The following WIPI2 variants were observed in gnomAD, a reference collection of about 807,000 sequenced individuals.
The protein encoded by WIPI2 is WD repeat domain, phosphoinositide interacting 2, also known as WD repeat domain phosphoinositide-interacting protein 2.
WIPI2 carries 28 observed loss-of-function variants against 52.3 expected under a neutral mutation model. That is an observed-to-expected ratio of 0.54 (90% CI 0.40 to 0.73). The LOEUF is 0.73. Among genes scored for constraint, WIPI2 ranks in the 30% least tolerant of loss-of-function variants. The pLI, the probability that WIPI2 is intolerant of heterozygous loss-of-function variation, is 0.00. For missense variants in WIPI2, 506 were observed against 602.9 expected (o/e 0.84, Z 1.68); for synonymous variants, 268 against 245.0 (o/e 1.09, Z -0.88).
chr7:5,224,196 C>T (rs1191213752), intron 8 of WIPI2, among the ~76,000 whole-genome samples: 3 of 152,212 alleles, frequency 2.0e-5, no homozygotes, highest in African/African-American at 2.4e-5. Context: ...TCAGAAGAGC[C>T]GATCTCTTTT....
chr7:5,199,617 C>A lies in WIPI2; in HGVS notation c.170C>A (p.Ser57Tyr). 6.2e-7 allele frequency: 1 copy of A among 1,613,254 alleles called. No individual in the cohort carries two copies. The highest frequency in any genetic ancestry group is 1.3e-5 in the African/African-American group (1 of 74,808). Reference protein sequence around the residue: ...VGSKSGYKFFSLSSVDKLEQI... With the variant: ...VGSKSGYKFFYLSSVDKLEQI... ...AGTAAGTCCGGTTATAAATTTTTCT[C>A]CCTTTCTTCTGTGGATAAGCTGGAA... The change falls in exon 3 of 13, where the codon TCC (serine) becomes TAC (tyrosine). Residue 57 changes from serine to tyrosine, a missense_variant. Ser to Tyr is a moderately radical substitution (Grantham distance 144). Transcript: ENST00000288828.
At chr7:5,197,283 T>A (rs7811331) in intron 2 of WIPI2, among the ~76,000 whole-genome samples, 57,917 of 151,906 alleles carry the variant, frequency 0.38, 12,058 homozygotes, top group Non-Finnish European at 0.48. Context: ...TTTGTTTTTT[T>A]AATCAGAAAA....
chr7:5,198,287 C>T (rs184752789), intron 2 of WIPI2, among the ~76,000 whole-genome samples: 53 of 151,820 alleles, frequency 3.5e-4, no homozygotes, highest in African/African-American at 1.3e-3. Context: ...TAAATACCTT[C>T]GTTTAAAATT....
intron 1 of WIPI2, among the ~76,000 whole-genome samples, chr7:5,191,527 G>T (rs944835947): frequency 6.6e-6 from 1 of 152,126 alleles, no homozygotes; most frequent in Non-Finnish European, 1.5e-5. Flanking sequence ...CATTCGGAAC[G>T]CTGTTTGTCC....
intron 9 of WIPI2, chr7:5,226,606 C>T (rs552928063): frequency 6.5e-6 from 1 of 152,726 alleles, no homozygotes; most frequent in Non-Finnish European, 1.5e-5. Context: ...GCCGGTGAGC[C>T]ACCGCGCCCA....
At chr7:5,197,252 A>G (rs1781800659) in intron 2 of WIPI2, among the ~76,000 whole-genome samples, 1 of 152,008 alleles carries the variant, frequency 6.6e-6, no homozygotes, top group East Asian at 1.9e-4. Context: ...GGACACAGGA[A>G]GGTATACAAT....
chr7:5,231,979 A>G lies in WIPI2; in HGVS notation c.*1032A>G. On this transcript the variant is annotated 3_prime_UTR_variant, in exon 13 of 13. Coordinates refer to ENST00000288828, the MANE Select transcript of WIPI2 (RefSeq NM_015610.4). ...TATTTTCATCTTAGAAAATTTCCTC[A>G]GCAAACCGATGAGAGATTGTGGTTG... The G allele has an allele frequency of 2.6e-6, 1 of 391,866 alleles. No homozygotes were observed. The highest frequency in any genetic ancestry group is 4.5e-6 in the Non-Finnish European group (1 of 222,102). The allele number at this position is 391,866 out of a possible 1,614,324, so 24.3% of individuals were successfully genotyped here. A position where few individuals can be genotyped will look rare whatever the true frequency, so the allele number is the denominator to read the frequency against.
chr7:5,192,794 TA>T (rs1180702735), intron 1 of WIPI2, among the ~76,000 whole-genome samples: 1 of 152,208 alleles, frequency 6.6e-6, no homozygotes, highest in Admixed American at 6.5e-5. Flanking sequence ...CCTCCCTTCT[TA>T]ATCTCCAGAA....
chr7:5,210,520 C>A (rs922600308), intron 3 of WIPI2, among the ~76,000 whole-genome samples: 2 of 152,208 alleles, frequency 1.3e-5, no homozygotes, highest in African/African-American at 2.4e-5. Context: ...GGGCCCTGGG[C>A]CCACATCTCT....
Position 5,199,598 on chromosome 7 carries a change from T to G in WIPI2, c.151T>G (p.Ser51Ala). Reference protein sequence around the residue: ...VVWSLAVGSKSGYKFFSLSSV... With the variant: ...VVWSLAVGSKAGYKFFSLSSV... Reference sequence around the variant, plus strand: ...CAGGTCCCTAGCTGTTGGTAGTAAGTCCGGTTATAAATTTTTCTCCCTTTC... The same window carrying G: ...CAGGTCCCTAGCTGTTGGTAGTAAGGCCGGTTATAAATTTTTCTCCCTTTC... The change falls in exon 3 of 13, where the codon TCC (serine) becomes GCC (alanine). Residue 51 changes from serine (S) to alanine (A), a missense_variant. Ser to Ala is a moderately conservative substitution (Grantham distance 99). This residue lies in a region of WIPI2 where 60 missense variants were observed against 49.7 expected (regional missense o/e 1.21). Coordinates refer to ENST00000288828, the MANE Select transcript of WIPI2 (RefSeq NM_015610.4). 1.2e-6 allele frequency: 2 copies of G among 1,613,618 alleles called. No individual in the cohort carries two copies. The highest frequency in any genetic ancestry group is 1.7e-6 in the Non-Finnish European group (2 of 1,179,954).
chr7:5,216,627 A>G lies in WIPI2; in HGVS notation c.446A>G (p.His149Arg). Reference sequence around the variant, plus strand: ...AACATTCGGGACATGAAGGTGCTGCATACGATCAGGGAGACGCCTCCAAAC... The same window carrying G: ...AACATTCGGGACATGAAGGTGCTGCGTACGATCAGGGAGACGCCTCCAAAC... Reference protein sequence around the residue: ...IHNIRDMKVLHTIRETPPNPA... With the variant: ...IHNIRDMKVLRTIRETPPNPA... Residue 149 changes from histidine to arginine, a missense_variant, in exon 5 of 13, where the codon CAT becomes CGT. By Grantham distance (29) the His-to-Arg change is conservative (BLOSUM62 0). This residue lies in a region of WIPI2 where 237 missense variants were observed against 346.9 expected (regional missense o/e 0.68). Coordinates refer to ENST00000288828, the MANE Select transcript of WIPI2 (RefSeq NM_015610.4). 1 of 1,614,216 alleles carries G rather than the reference A, an allele frequency of 6.2e-7. No homozygotes were observed. The highest frequency in any genetic ancestry group is 8.5e-7 in the Non-Finnish European group (1 of 1,180,038).
At position 5,221,457 on chromosome 7, in the gene WIPI2, C is replaced by T. The variant is rs372116409; in HGVS notation, c.670-1145C>T. ...GTAGGAGGGTGAATGTTGAATAATT[C>T]TTCCTGCCCTGCAAATTTGGAATGC... On this transcript the variant is annotated intron_variant, in intron 7 of 12. Transcript: ENST00000288828. Among the ~76,000 whole-genome samples the T allele has an allele frequency of 1.6e-3, 243 of 152,316 alleles. 1 individual carries two copies. Among genetic ancestry groups the T allele is most frequent in the African/African-American group, 5.5e-3 (228 of 41,576 alleles).
In WIPI2 at chr7:5,232,848, C is replaced by T. The variant is rs1277749967; in HGVS notation, c.*1901C>T. The T allele has an allele frequency of 1.3e-5, 2 of 152,630 alleles. No homozygotes were observed. The highest frequency in any genetic ancestry group is 1.9e-4 in the East Asian group (1 of 5,206). 9.5% of individuals were successfully genotyped at this position (152,630 alleles called of 1,614,324 possible). The stretch of plus-strand genomic sequence containing the variant: ...GTTAAAGTATCGTTTGTTCTGGTGC[C>T]TGCCTGTGGTGGTGATTTGGAGACT... On this transcript the variant is annotated 3_prime_UTR_variant, in exon 13 of 13. Transcript: ENST00000288828.
chr7:5,223,692 C>T (rs576621768), intron 8 of WIPI2, among the ~76,000 whole-genome samples: 6 of 152,186 alleles, frequency 3.9e-5, no homozygotes, highest in Non-Finnish European at 8.8e-5. Context: ...TCTTGAGGTG[C>T]CCGTATTCCT....
At position 5,229,640 on chromosome 7, in the gene WIPI2, T is replaced by C; in HGVS notation, c.1154T>C (p.Ile385Thr). 1.2e-6 allele frequency: 2 copies of C among 1,613,836 alleles called. No homozygotes were observed. Among genetic ancestry groups the C allele is most frequent in the Non-Finnish European group, 1.7e-6 (2 of 1,179,894 alleles). The change falls in exon 12 of 13, where the codon ATC (isoleucine) becomes ACC (threonine). Residue 385 changes from isoleucine (I) to threonine (T), a missense_variant. Ile to Thr is a moderately conservative substitution (Grantham distance 89). Around this residue, in one of 4 missense-constraint regions of WIPI2, gnomAD observed 194 missense variants for 175.1 expected, o/e 1.11. Coordinates refer to ENST00000288828, the MANE Select transcript of WIPI2 (RefSeq NM_015610.4). ...GGCAGTCTGGAAACGACCAATGAGA[T>C]CTTGGACTCTGCCTCTCACGACTGC... ...LDGSLETTNE[I>T]LDSASHDCPL...
chr7:5,231,184 C>T lies in WIPI2; in HGVS notation c.*237C>T. On this transcript the variant is annotated 3_prime_UTR_variant, in exon 13 of 13. Coordinates refer to ENST00000288828, the MANE Select transcript of WIPI2 (RefSeq NM_015610.4). ...TTTTAGCTTTTTGTTTGTTTGTTTT[C>T]TCTTTTTGCCAAAATTAACTGTTTG... 2.4e-6 allele frequency: 1 copy of T among 417,330 alleles called. No individual in the cohort carries two copies. The highest frequency in any genetic ancestry group is 4.2e-6 in the Non-Finnish European group (1 of 236,644). 25.9% of individuals were successfully genotyped at this position (417,330 alleles called of 1,614,324 possible). A position where few individuals can be genotyped will look rare whatever the true frequency, so the allele number is the denominator to read the frequency against.
At chr7:5,225,332 G>C (rs1451079257) in intron 8 of WIPI2, among the ~76,000 whole-genome samples, 1 of 151,990 alleles carries the variant, frequency 6.6e-6, no homozygotes, top group Non-Finnish European at 1.5e-5. Context: ...GTAGAGACGG[G>C]GGGTTTCACC....
chr7:5,191,598 G>T (rs904185691), intron 1 of WIPI2, among the ~76,000 whole-genome samples: 10 of 152,150 alleles, frequency 6.6e-5, no homozygotes, highest in African/African-American at 2.4e-4. Context: ...TAATAGATGA[G>T]CGAGCTTTCT....
rs1245154041 is a variant in WIPI2 at position 5,230,126 on chromosome 7, C to T, written c.1252+388C>T. ...ATCCTGGCTCAGGTGACTCTGGGGTCACGTGACTTGGGCCCAGACTGGCCA... is the reference window on the plus strand; with the variant it reads ...ATCCTGGCTCAGGTGACTCTGGGGTTACGTGACTTGGGCCCAGACTGGCCA... On this transcript the variant is annotated intron_variant, in intron 12 of 12. Coordinates refer to ENST00000288828, the MANE Select transcript of WIPI2 (RefSeq NM_015610.4). The surrounding 1 kb of genome is among the most constrained non-coding windows in gnomAD (Gnocchi z 4.8). Among the ~76,000 whole-genome samples the T allele has an allele frequency of 2.0e-5, 3 of 152,092 alleles. No individual in the cohort carries two copies. The East Asian group carries it at 5.8e-4, about 29-fold the overall frequency.
Sources: allele counts gnomAD v4.1 joint callset (sites outside exome capture counted in the v4.1 genomes callset), GRCh38; gene constraint gnomAD v4.1.1; regional missense constraint gnomAD v4.1.1; non-coding constraint Gnocchi (gnomAD v3.1); transcripts MANE v1.5; gene names NCBI Gene and HGNC (gene_info 2026-07-23, HGNC 2026-07-21).